Variants in MYO19 observed in about 807,000 individuals in gnomAD.
MYO19 encodes myosin XIX.
MYO19 carries 132 observed loss-of-function variants against 129.2 expected under a neutral mutation model. The ratio of observed to expected loss-of-function variants is 1.02; its 90% CI spans 0.89 to 1.18. MYO19 has a LOEUF of 1.18. MYO19 is among the 50% of genes most tolerant of loss of function. MYO19 has a pLI of 0.00. For synonymous variants in MYO19, 531 were observed against 477.2 expected, an observed-to-expected ratio of 1.11 and a Z score of -1.47; for missense variants, 1,210 against 1,216.7, an observed-to-expected ratio of 0.99 and a Z score of 0.08.
chr17:36,507,323 A>C (rs1387186451), intron 16 of MYO19, 76 bp downstream of exon 16: 1 of 1,471,036 alleles, frequency 6.8e-7, no homozygotes, highest in Non-Finnish European at 9.4e-7. Context: ...CACAGAGAGG[A>C]AACAGGATAA....
rs1453244120 is a variant in MYO19 at position 36,506,627 on chromosome 17, A to G, written c.1645-19T>C. On this transcript the variant is annotated intron_variant, in intron 17 of 25. Transcript: ENST00000614623. ...TAGGGTCCTATTGGGAAATGGCAAG[A>G]GCAGCAGTGAGGGCAGGTGGAGCTT... The G allele has an allele frequency of 1.3e-6, 2 of 1,516,084 alleles. No homozygotes were observed. The highest frequency in any genetic ancestry group is 2.3e-5 in the Admixed American group (1 of 43,560). The allele number at this position is 1,516,084 out of a possible 1,614,324, so 93.9% of individuals were successfully genotyped here.
At position 36,513,772 on chromosome 17, in the gene MYO19, G is replaced by C. The variant is rs60673095; in HGVS notation, c.721-47C>G. ...AGGCTGGGTAGGGGGTCTGAGAAAAGCCCAGGCCTGCATAGGCAGGCATGG... is the reference window on the plus strand; with the variant it reads ...AGGCTGGGTAGGGGGTCTGAGAAAACCCCAGGCCTGCATAGGCAGGCATGG... On this transcript the variant is annotated intron_variant, in intron 9 of 25. Coordinates refer to ENST00000614623, the MANE Select transcript of MYO19 (RefSeq NM_001163735.2). The C allele has an allele frequency of 8.0e-4, 1,233 of 1,543,528 alleles. 12 individuals carry two copies. In the African/African-American group the frequency reaches 0.016, roughly 20 times the overall value.
intron 3 of MYO19, among the ~76,000 whole-genome samples, chr17:36,530,965 C>T (rs528082797): frequency 6.2e-4 from 95 of 152,144 alleles, no homozygotes; most frequent in African/African-American, 2.0e-3. Context: ...CGGCTGGGTG[C>T]GGTGGCTCAC....
intron 3 of MYO19, among the ~76,000 whole-genome samples, chr17:36,528,610 T>G (rs1327390176): frequency 6.6e-6 from 1 of 152,060 alleles, no homozygotes; most frequent in African/African-American, 2.4e-5. Context: ...AGAAGGAGAC[T>G]CTGGTATCAT....
chr17:36,507,692 A>G (rs1180142861), intron 15 of MYO19, 111 bp downstream of exon 15: 18 of 1,345,518 alleles, frequency 1.3e-5, no homozygotes, highest in Non-Finnish European at 1.7e-5. Flanking sequence ...TTAAAAATAA[A>G]ATAAGAAGGA....
At chr17:36,525,632 C>T (rs2073417705) in intron 5 of MYO19, among the ~76,000 whole-genome samples, 1 of 152,164 alleles carries the variant, frequency 6.6e-6, no homozygotes, top group African/African-American at 2.4e-5. Context: ...CTGCCTATTA[C>T]TTCATATTAC....
Position 36,503,220 on chromosome 17 carries a change from G to A in MYO19, c.1977-20C>T, listed in dbSNP as rs1567736206. Reference sequence around the variant, plus strand: ...GAGACCCTGGAGGCCAAAGCAGGCAGAAGTAGAGAATTACTTCATCTGTGA... The same window carrying A: ...GAGACCCTGGAGGCCAAAGCAGGCAAAAGTAGAGAATTACTTCATCTGTGA... On this transcript the variant is annotated intron_variant, in intron 20 of 25. Transcript: ENST00000614623. 1.3e-6 allele frequency: 2 copies of A among 1,588,034 alleles called. No homozygotes were observed. Among genetic ancestry groups the A allele is most frequent in the African/African-American group, 1.3e-5 (1 of 74,552 alleles).
intron 18 of MYO19, among the ~76,000 whole-genome samples, chr17:36,505,796 G>A (rs549524397): frequency 2.0e-5 from 3 of 152,320 alleles, no homozygotes; most frequent in East Asian, 3.9e-4. Flanking sequence ...TGTGTTGGAG[G>A]CTGTGCCACA....
chr17:36,522,441 C>T lies in MYO19; in HGVS notation c.414+2787G>A, dbSNP rs188543521. 1.8e-3 allele frequency among the ~76,000 whole-genome samples: 272 copies of T among 149,618 alleles called. 1 individual carries two copies. The highest frequency in any genetic ancestry group is 6.5e-3 in the African/African-American group (262 of 40,506). ...CAGAGAACTGCTTGAACCCAGGAGG[C>T]GGAGGTTGCAGTGAGCCGAGATCAC... is the stretch of plus-strand genomic sequence containing the variant. On this transcript the variant is annotated intron_variant, in intron 6 of 25. Transcript: ENST00000614623.
chr17:36,496,246 A>G lies in MYO19; in HGVS notation c.*5T>C, dbSNP rs1189530801. On this transcript the variant is annotated 3_prime_UTR_variant, in exon 26 of 26. Coordinates refer to ENST00000614623, the MANE Select transcript of MYO19 (RefSeq NM_001163735.2). The stretch of plus-strand genomic sequence containing the variant: ...AAGGCCTTGTGGAAACAAAGGCACC[A>G]AGGATCACCCCAGCCCAGTGAAGGC... The G allele has an allele frequency of 1.2e-6, 2 of 1,613,554 alleles. No individual in the cohort carries two copies. The highest frequency in any genetic ancestry group is 1.3e-5 in the African/African-American group (1 of 74,910).
chr17:36,537,118 T>G, upstream of MYO19: 1 of 1,591,682 alleles, frequency 6.3e-7, no homozygotes, highest in South Asian at 1.1e-5. Context: ...GAAAAGCAGA[T>G]GAAGGAAGCT....
intron 23 of MYO19, chr17:36,499,543 G>T (rs1036618852): frequency 1.2e-5 from 2 of 167,228 alleles, no homozygotes; most frequent in African/African-American, 4.8e-5. Context: ...AGTTGAATTT[G>T]TTCGCTTTAT....
chr17:36,520,267 C>T lies in MYO19; in HGVS notation c.415-4277G>A, dbSNP rs149169973. On this transcript the variant is annotated intron_variant, in intron 6 of 25. Transcript: ENST00000614623. ...CTGGGATTACAGGCGTGAACTACTG[C>T]ACCTGGTCCTTAAGATTTTTTTCTT... is the stretch of plus-strand genomic sequence containing the variant. Among the ~76,000 whole-genome samples, 276 of 152,288 alleles carry T rather than the reference C, an allele frequency of 1.8e-3. 2 individuals are homozygous for T. The highest frequency in any genetic ancestry group is 6.4e-3 in the African/African-American group (264 of 41,552).
At chr17:36,498,638 A>G in intron 24 of MYO19, 79 bp from the exon 25 acceptor site, 1 of 1,439,754 alleles carries the variant, frequency 6.9e-7, no homozygotes, top group Non-Finnish European at 9.2e-7. Context: ...AACTATCTTT[A>G]ACAAATCATC....
chr17:36,509,187 G>T, intron 13 of MYO19, 52 bp from the exon 14 acceptor site: 4 of 1,567,456 alleles, frequency 2.6e-6, no homozygotes, highest in South Asian at 2.3e-5. Flanking sequence ...TGAGTCAAAG[G>T]GGTGGTAAAA....
At position 36,498,467 on chromosome 17, in the gene MYO19, C is replaced by A. The variant is rs756598425; in HGVS notation, c.2556G>T (p.Leu852=). Residue 852 remains leucine, a synonymous_variant, in exon 25 of 26, where the codon CTG becomes CTT. Coordinates refer to ENST00000614623, the MANE Select transcript of MYO19 (RefSeq NM_001163735.2). ...QAPCSLSTSP[L]QTRLLEAIIR... is the part of the protein sequence containing the mutation. ...TTATTGCCTCCAGGAGCCTGGTCTGCAGCGGCGAGGTGCTCAGGGAACAGG... is the reference window on the plus strand; with the variant it reads ...TTATTGCCTCCAGGAGCCTGGTCTGAAGCGGCGAGGTGCTCAGGGAACAGG... 3 of 1,614,052 alleles carry A rather than the reference C, an allele frequency of 1.9e-6. No individual in the cohort carries two copies. The highest frequency in any genetic ancestry group is 2.5e-6 in the Non-Finnish European group (3 of 1,179,886).
intron 1 of MYO19, 102 bp from the exon 2 acceptor site, chr17:36,534,206 G>A (rs2073988761): frequency 1.3e-5 from 2 of 152,386 alleles, no homozygotes; most frequent in Non-Finnish European, 2.9e-5. Context: ...TTCTTTCTAG[G>A]CATGGAGGAC....
chr17:36,528,460 A>AGATC, intron 3 of MYO19, among the ~76,000 whole-genome samples: 3 of 151,964 alleles, frequency 2.0e-5, no homozygotes, highest in Admixed American at 6.6e-5. Context: ...GCAGTGAGCC[A>AGATC]ACATTGTGCT....
chr17:36,510,966 C>A (rs1387746747), intron 12 of MYO19, 49 bp from the exon 13 acceptor site: 3 of 1,520,940 alleles, frequency 2.0e-6, no homozygotes, highest in African/African-American at 1.4e-5. Context: ...ATCCAGTCCT[C>A]TTCACGAGGC....
Sources: gnomAD v4.1 joint callset for allele counts (sites outside exome capture counted in the v4.1 genomes callset) on GRCh38, gnomAD v4.1.1 for gene constraint, MANE v1.5 for transcripts, NCBI Gene and HGNC (gene_info 2026-07-23, HGNC 2026-07-21) for gene names.